TKTL2: variants seen among roughly 807,000 people sequenced by gnomAD.
TKTL2 encodes transketolase-like protein 2.
For synonymous variants in TKTL2, 259 were observed against 294.1 expected, an observed-to-expected ratio of 0.88 and a Z score of 1.22; for missense variants, 825 against 799.4, an observed-to-expected ratio of 1.03 and a Z score of -0.39.
Position 163,472,848 on chromosome 4 carries a change from T to A in TKTL2, c.887A>T (p.Asp296Val). 1 of 1,578,812 alleles carries A rather than the reference T, an allele frequency of 6.3e-7. No homozygotes were observed. Among genetic ancestry groups the A allele is most frequent in the Non-Finnish European group, 8.6e-7 (1 of 1,164,214 alleles). Residue 296 changes from aspartate (D) to valine (V), a missense_variant, in exon 1 of 1, where the codon GAC becomes GTC. Transcript: ENST00000280605. ...ENLIPKSPVE[D>V]SPQISITDIK... ...ATCTGTGATGCTTATTTGAGGTGAGTCTTCCACAGGCGATTTTGGTATGAG... is the reference window on the plus strand; with the variant it reads ...ATCTGTGATGCTTATTTGAGGTGAGACTTCCACAGGCGATTTTGGTATGAG...
chr4:163,471,328 G>A lies in TKTL2; in HGVS notation c.*526C>T, dbSNP rs1446179932. 6.6e-6 allele frequency: 1 copy of A among 152,308 alleles called. No individual in the cohort carries two copies. The highest frequency in any genetic ancestry group is 2.1e-4 in the South Asian group (1 of 4,830). The allele number at this position is 152,308 out of a possible 1,614,324, so 9.4% of individuals were successfully genotyped here. On this transcript the variant is annotated 3_prime_UTR_variant, in exon 1 of 1. Transcript: ENST00000280605. ...GCTGCACCATCACCTCCAAACTGTA[G>A]AGGAGAGATGAAGGCAAACTTTGGA...
In TKTL2 at chr4:163,473,550, G is replaced by A. The variant is rs1439205540; in HGVS notation, c.185C>T (p.Thr62Ile). Residue 62 changes from threonine to isoleucine, a missense_variant, in exon 1 of 1, where the codon ACA becomes ATA. Physicochemically the swap from Thr to Ile is moderately conservative, Grantham distance 89 (BLOSUM62 -1). Coordinates refer to ENST00000280605, the MANE Select transcript of TKTL2 (RefSeq NM_032136.5). Reference protein sequence around the residue: ...LFFHTMKYKQTDPEHPDNDRF... With the variant: ...LFFHTMKYKQIDPEHPDNDRF... ...GTCGTTGTCCGGGTGTTCTGGGTCT[G>A]TCTGTTTATACTTCATCGTGTGGAA... 6.2e-7 allele frequency: 1 copy of A among 1,613,256 alleles called. No individual in the cohort carries two copies. Among genetic ancestry groups the A allele is most frequent in the East Asian group, 2.2e-5 (1 of 44,856 alleles).
rs116616718 is a variant in TKTL2, at chr4:163,473,698, C to T, written c.37G>A (p.Val13Met). Residue 13 changes from valine to methionine, a missense_variant, in exon 1 of 1, where the codon GTG becomes ATG. Coordinates refer to ENST00000280605, the MANE Select transcript of TKTL2 (RefSeq NM_032136.5). ...TTGGCTGTGTCCCGCAGCACCTGCA[C>T]GGTCTTCACGTCGGGCTTGGCGTCG... Reference protein sequence around the residue: ...ANDAKPDVKTVQVLRDTANRL... With the variant: ...ANDAKPDVKTMQVLRDTANRL... 5 of 1,610,892 alleles carry T rather than the reference C, an allele frequency of 3.1e-6. No individual in the cohort carries two copies. The highest frequency in any genetic ancestry group is 1.7e-4 in the Middle Eastern group (1 of 6,048).
Position 163,473,570 on chromosome 4 carries a change from G to A in TKTL2, c.165C>T (p.His55=). Residue 55 remains histidine, a synonymous_variant, in exon 1 of 1, where the codon CAC becomes CAT. Transcript: ENST00000280605. ...AAEVVSVLFF[H]TMKYKQTDPE... Reference sequence around the variant, plus strand: ...GGTCTGTCTGTTTATACTTCATCGTGTGGAAGAAGAGGACAGACACGACCT... The same window carrying A: ...GGTCTGTCTGTTTATACTTCATCGTATGGAAGAAGAGGACAGACACGACCT... 6.2e-7 allele frequency: 1 copy of A among 1,614,150 alleles called. No individual in the cohort carries two copies.
In TKTL2 at chr4:163,473,432, C is replaced by T; in HGVS notation, c.303G>A (p.Leu101=). 1.2e-6 allele frequency: 2 copies of T among 1,613,966 alleles called. No homozygotes were observed. The highest frequency in any genetic ancestry group is 1.7e-6 in the Non-Finnish European group (2 of 1,180,012). Residue 101 remains leucine (L), a synonymous_variant, in exon 1 of 1, where the codon CTG becomes CTA. Transcript: ENST00000280605. ...TCTCCAAGTCGCTGTGAAGTTTCCTCAGGTTCAGCAAGTCAGATTCACTGA... is the reference window on the plus strand; with the variant it reads ...TCTCCAAGTCGCTGTGAAGTTTCCTTAGGTTCAGCAAGTCAGATTCACTGA... ...GDISESDLLN[L]RKLHSDLERH... is the part of the protein sequence containing the mutation.
In TKTL2 at chr4:163,472,664, T is replaced by A; in HGVS notation, c.1071A>T (p.Lys357Asn). 1 of 1,614,184 alleles carries A rather than the reference T, an allele frequency of 6.2e-7. No homozygotes were observed. The highest frequency in any genetic ancestry group is 8.5e-7 in the Non-Finnish European group (1 of 1,180,028). ...ACTCTATGAAACGCTCAGGGTGTTC[T>A]TTCCTGAATATCTCAGAAAAGGTGG... Reference protein sequence around the residue: ...MNSTFSEIFRKEHPERFIECI... With the variant: ...MNSTFSEIFRNEHPERFIECI... Residue 357 changes from lysine (K) to asparagine (N), a missense_variant, in exon 1 of 1, where the codon AAA becomes AAT. By Grantham distance (94) the Lys-to-Asn change is moderately conservative. Coordinates refer to ENST00000280605, the MANE Select transcript of TKTL2 (RefSeq NM_032136.5).
At position 163,473,397 on chromosome 4, in the gene TKTL2, G is replaced by C; in HGVS notation, c.338C>G (p.Thr113Ser). ...CACGTCAACAAACGGCAATCGGGGGGTAGGGTGTCTCTCCAAGTCGCTGTG... is the reference window on the plus strand; with the variant it reads ...CACGTCAACAAACGGCAATCGGGGGCTAGGGTGTCTCTCCAAGTCGCTGTG... ...KLHSDLERHP[T>S]PRLPFVDVAT... is the part of the protein sequence containing the mutation. The change falls in exon 1 of 1, where the codon ACC becomes AGC. Residue 113 changes from threonine (T) to serine (S), a missense_variant. Coordinates refer to ENST00000280605, the MANE Select transcript of TKTL2 (RefSeq NM_032136.5). 6.2e-7 allele frequency: 1 copy of C among 1,613,904 alleles called. No individual in the cohort carries two copies. Among genetic ancestry groups the C allele is most frequent in the Non-Finnish European group, 8.5e-7 (1 of 1,179,982 alleles).
In TKTL2 at chr4:163,472,839, T is replaced by C. The variant is rs1323741365; in HGVS notation, c.896A>G (p.Gln299Arg). The C allele has an allele frequency of 6.4e-6, 10 of 1,572,400 alleles. No homozygotes were observed. The highest frequency in any genetic ancestry group is 3.4e-6 in the Non-Finnish European group (4 of 1,161,816). ...IPKSPVEDSP[Q>R]ISITDIKMTS... ...CATTTTTATATCTGTGATGCTTATTTGAGGTGAGTCTTCCACAGGCGATTT... is the reference window on the plus strand; with the variant it reads ...CATTTTTATATCTGTGATGCTTATTCGAGGTGAGTCTTCCACAGGCGATTT... The change falls in exon 1 of 1, where the codon CAA (glutamine) becomes CGA (arginine). Residue 299 changes from glutamine to arginine, a missense_variant. By Grantham distance (43) the Gln-to-Arg change is conservative. Coordinates refer to ENST00000280605, the MANE Select transcript of TKTL2 (RefSeq NM_032136.5).
Position 163,473,179 on chromosome 4 carries a change from T to C in TKTL2, c.556A>G (p.Asn186Asp). 1.2e-6 allele frequency: 2 copies of C among 1,613,556 alleles called. No homozygotes were observed. Among genetic ancestry groups the C allele is most frequent in the Non-Finnish European group, 1.7e-6 (2 of 1,179,940 alleles). ...GCAGGGCCACTTTGTCCCAAGCGGT[T>C]CACGTCGAAGACCGCCACGAGATTG... Reference protein sequence around the residue: ...LDNLVAVFDVNRLGQSGPAPL... With the variant: ...LDNLVAVFDVDRLGQSGPAPL... Residue 186 changes from asparagine (N) to aspartate (D), a missense_variant, in exon 1 of 1, where the codon AAC becomes GAC. Physicochemically the swap from Asn to Asp is conservative, Grantham distance 23 (BLOSUM62 1). Coordinates refer to ENST00000280605, the MANE Select transcript of TKTL2 (RefSeq NM_032136.5).
Position 163,471,867 on chromosome 4 carries a change from G to A in TKTL2, c.1868C>T (p.Thr623Ile), listed in dbSNP as rs768231270. The A allele has an allele frequency of 2.0e-6, 3 of 1,516,834 alleles. No homozygotes were observed. The highest frequency in any genetic ancestry group is 2.7e-5 in the South Asian group (2 of 74,734). 94.0% of individuals were successfully genotyped at this position (1,516,834 alleles called of 1,614,324 possible). Reference protein sequence around the residue: ...TRHIIAAVTLTLMK With the variant: ...TRHIIAAVTLILMK Reference sequence around the variant, plus strand: ...AATAAGCCTAGTTTACTTCATTAAAGTAAGTGTTACGGCTGCTATAATGTG... The same window carrying A: ...AATAAGCCTAGTTTACTTCATTAAAATAAGTGTTACGGCTGCTATAATGTG... The change falls in exon 1 of 1, where the codon ACT becomes ATT. Residue 623 changes from threonine to isoleucine, a missense_variant. Thr to Ile is a moderately conservative substitution (Grantham distance 89). Transcript: ENST00000280605.
In TKTL2 at chr4:163,472,782, T is replaced by A. The variant is rs771439315; in HGVS notation, c.953A>T (p.Lys318Met). 7 of 1,572,086 alleles carry A rather than the reference T, an allele frequency of 4.5e-6. No homozygotes were observed. In the African/African-American group the frequency reaches 9.5e-5, roughly 21 times the overall value. The part of the protein sequence containing the change: ...TSPPAYKVGD[K>M]IATQKTYGLA... ...ACCATATGTTTTCTGAGTAGCTATC[T>A]TGTCACCAACTTTGTAAGCAGGTGG... Residue 318 changes from lysine to methionine, a missense_variant, in exon 1 of 1, where the codon AAG becomes ATG. Physicochemically the swap from Lys to Met is moderately conservative, Grantham distance 95. Transcript: ENST00000280605.
rs767522920 is a variant in TKTL2 at position 163,471,887 on chromosome 4, A to C, written c.1848T>G (p.Ile616Met). Residue 616 changes from isoleucine to methionine, a missense_variant, in exon 1 of 1, where the codon ATT becomes ATG. By Grantham distance (10) the Ile-to-Met change is conservative. Transcript: ENST00000280605. ...LDMFGISTRH[I>M]IAAVTLTLMK ...TTAAAGTAAGTGTTACGGCTGCTAT[A>C]ATGTGTCTGGTACTGATTCCAAACA... 4 of 1,540,572 alleles carry C rather than the reference A, an allele frequency of 2.6e-6. No homozygotes were observed. The South Asian group carries it at 3.8e-5, about 15-fold the overall frequency.
At position 163,473,731 on chromosome 4, in the gene TKTL2, T is replaced by C; in HGVS notation, c.4A>G (p.Met2Val). Residue 2 changes from methionine (M) to valine (V), a missense_variant, in exon 1 of 1, where the codon ATG becomes GTG. Transcript: ENST00000280605. The stretch of plus-strand genomic sequence containing the variant: ...ACGTCGGGCTTGGCGTCGTTGGCCA[T>C]CATCTCTCTTTTGTCGGTTTGGCAA... M[M>V]ANDAKPDVKT... The C allele has an allele frequency of 6.3e-7, 1 of 1,598,352 alleles. No individual in the cohort carries two copies.
chr4:163,472,385 G>A lies in TKTL2; in HGVS notation c.1350C>T (p.Phe450=), dbSNP rs2110749970. ...CTGTCGAGATGGCATCACTTGGATA[G>A]AAAACAGTACAATTGGGAATGCTTC... ...MFRSIPNCTV[F]YPSDAISTEH... Residue 450 remains phenylalanine (F), a synonymous_variant, in exon 1 of 1, where the codon TTC becomes TTT. Transcript: ENST00000280605. The A allele has an allele frequency of 6.2e-7, 1 of 1,605,308 alleles. No individual in the cohort carries two copies. The highest frequency in any genetic ancestry group is 8.5e-7 in the Non-Finnish European group (1 of 1,175,500).
Position 163,472,833 on chromosome 4 carries a change from C to G in TKTL2, c.902G>C (p.Ser301Thr). 1 of 1,568,722 alleles carries G rather than the reference C, an allele frequency of 6.4e-7. No individual in the cohort carries two copies. Among genetic ancestry groups the G allele is most frequent in the Non-Finnish European group, 8.6e-7 (1 of 1,160,106 alleles). The change falls in exon 1 of 1, where the codon AGC (serine) becomes ACC (threonine). Residue 301 changes from serine (S) to threonine (T), a missense_variant. Transcript: ENST00000280605. ...GGAGGTCATTTTTATATCTGTGATG[C>G]TTATTTGAGGTGAGTCTTCCACAGG... ...KSPVEDSPQI[S>T]ITDIKMTSPP...
rs1737194008 is a variant in TKTL2 at position 163,472,796 on chromosome 4, G to A, written c.939C>T (p.Tyr313=). 6.4e-7 allele frequency: 1 copy of A among 1,568,356 alleles called. No homozygotes were observed. The highest frequency in any genetic ancestry group is 1.4e-5 in the African/African-American group (1 of 73,502). Residue 313 remains tyrosine (Y), a synonymous_variant, in exon 1 of 1, where the codon TAC becomes TAT. Coordinates refer to ENST00000280605, the MANE Select transcript of TKTL2 (RefSeq NM_032136.5). ...GAGTAGCTATCTTGTCACCAACTTT[G>A]TAAGCAGGTGGGGAGGTCATTTTTA... ...TDIKMTSPPA[Y]KVGDKIATQK...
Position 163,473,031 on chromosome 4 carries a change from A to G in TKTL2, c.704T>C (p.Val235Ala). The G allele has an allele frequency of 1.2e-6, 2 of 1,614,178 alleles. No individual in the cohort carries two copies. Among genetic ancestry groups the G allele is most frequent in the Non-Finnish European group, 1.7e-6 (2 of 1,180,036 alleles). Residue 235 changes from valine to alanine, a missense_variant, in exon 1 of 1, where the codon GTG (valine) becomes GCG (alanine). Coordinates refer to ENST00000280605, the MANE Select transcript of TKTL2 (RefSeq NM_032136.5). Reference protein sequence around the residue: ...LCQAFWQASQVKNKPTAIVAK... With the variant: ...LCQAFWQASQAKNKPTAIVAK... ...AACTATAGCAGTAGGCTTGTTCTTCACTTGACTTGCTTGCCAAAATGCTTG... is the reference window on the plus strand; with the variant it reads ...AACTATAGCAGTAGGCTTGTTCTTCGCTTGACTTGCTTGCCAAAATGCTTG...
At position 163,472,656 on chromosome 4, in the gene TKTL2, G is replaced by A; in HGVS notation, c.1079C>T (p.Pro360Leu). The change falls in exon 1 of 1, where the codon CCT (proline) becomes CTT (leucine). Residue 360 changes from proline to leucine, a missense_variant. By Grantham distance (98) the Pro-to-Leu change is moderately conservative. Transcript: ENST00000280605. Reference protein sequence around the residue: ...TFSEIFRKEHPERFIECIIAE... With the variant: ...TFSEIFRKEHLERFIECIIAE... ...AATAATACACTCTATGAAACGCTCA[G>A]GGTGTTCTTTCCTGAATATCTCAGA... The A allele has an allele frequency of 4.3e-6, 7 of 1,614,174 alleles. No homozygotes were observed. The highest frequency in any genetic ancestry group is 1.1e-5 in the South Asian group (1 of 91,088).
At position 163,472,143 on chromosome 4, in the gene TKTL2, A is replaced by G; in HGVS notation, c.1592T>C (p.Ile531Thr). Reference sequence around the variant, plus strand: ...AAATGGGTCGATGACACGGACAGAAATACCTTGTTGAGAAAGATGGTCAGC... The same window carrying G: ...AAATGGGTCGATGACACGGACAGAAGTACCTTGTTGAGAAAGATGGTCAGC... The part of the protein sequence containing the change: ...EAADHLSQQG[I>T]SVRVIDPFTI... Residue 531 changes from isoleucine to threonine, a missense_variant, in exon 1 of 1, where the codon ATT becomes ACT. Physicochemically the swap from Ile to Thr is moderately conservative, Grantham distance 89 (BLOSUM62 -1). Transcript: ENST00000280605. 1 of 1,614,222 alleles carries G rather than the reference A, an allele frequency of 6.2e-7. No individual in the cohort carries two copies. Among genetic ancestry groups the G allele is most frequent in the African/African-American group, 1.3e-5 (1 of 75,048 alleles).
Sources: allele counts gnomAD v4.1 joint callset, GRCh38; gene constraint gnomAD v4.1.1; transcripts MANE v1.5; gene names NCBI Gene and HGNC (gene_info 2026-07-23, HGNC 2026-07-21).